The following TPST1 variants were observed in gnomAD, a reference collection of about 807,000 sequenced individuals.
The protein encoded by TPST1 is tyrosylprotein sulfotransferase 1.
A neutral mutation model predicts 34.8 loss-of-function variants in TPST1; 20 were observed. The observed-to-expected ratio is 0.57, with a 90% CI of 0.40 to 0.84. The LOEUF (loss-of-function observed/expected upper bound fraction) is 0.84, where lower values mean the gene tolerates loss of function less well. TPST1 is among the 40% of genes least tolerant of loss of function. TPST1 has a pLI of 0.00. For missense variants in TPST1, 353 were observed against 455.5 expected, an observed-to-expected ratio of 0.78 and a Z score of 2.05; for synonymous variants, 152 against 159.4, an observed-to-expected ratio of 0.95 and a Z score of 0.35.
upstream of TPST1, among the ~76,000 whole-genome samples, chr7:66,202,369 G>A (rs959774020): frequency 3.3e-5 from 5 of 152,152 alleles, no homozygotes; most frequent in Non-Finnish European, 7.3e-5. Flanking sequence ...ACATCCTGCC[G>A]TATGACAGGT....
intron 3 of TPST1, among the ~76,000 whole-genome samples, chr7:66,333,447 G>T (rs1265589457): frequency 1.3e-5 from 2 of 152,168 alleles, no homozygotes; most frequent in Non-Finnish European, 2.9e-5. Context: ...TTAGACAAAA[G>T]ACCCAGAAGG....
At chr7:66,237,456 A>G (rs1343877991) in intron 1 of TPST1, among the ~76,000 whole-genome samples, 1 of 152,184 alleles carries the variant, frequency 6.6e-6, no homozygotes, top group Admixed American at 6.5e-5. Context: ...AGAGGAATTA[A>G]CTACCTTCTC....
In TPST1 at chr7:66,270,989, G is replaced by A. The variant is rs1562823228; in HGVS notation, c.846-15522G>A. Among the ~76,000 whole-genome samples, 3 of 151,930 alleles carry A rather than the reference G, an allele frequency of 2.0e-5. No individual in the cohort carries two copies. In the South Asian group the frequency reaches 6.2e-4, roughly 31 times the overall value. On this transcript the variant is annotated intron_variant, in intron 2 of 5. Coordinates refer to ENST00000304842, the MANE Select transcript of TPST1 (RefSeq NM_003596.4). ...CATATCCTTGCCTCTATATTTTTTGGTTGCCCAGGGTTACAGCTTTTCATA... is the reference window on the plus strand; with the variant it reads ...CATATCCTTGCCTCTATATTTTTTGATTGCCCAGGGTTACAGCTTTTCATA...
intron 3 of TPST1, among the ~76,000 whole-genome samples, chr7:66,341,010 C>T (rs1481468079): frequency 1.6e-4 from 25 of 152,094 alleles, no homozygotes; most frequent in South Asian, 4.1e-4. Flanking sequence ...GACTCCGTCT[C>T]AAAAGTCAGT....
At chr7:66,320,275 T>G (rs1791726023) in intron 3 of TPST1, among the ~76,000 whole-genome samples, 1 of 139,900 alleles carries the variant, frequency 7.1e-6, no homozygotes, top group Non-Finnish European at 1.5e-5. Context: ...TGAGACGGAG[T>G]CTTGCTCTGT....
intron 3 of TPST1, among the ~76,000 whole-genome samples, chr7:66,315,261 T>G (rs1791609658): frequency 6.6e-6 from 1 of 152,084 alleles, no homozygotes; most frequent in African/African-American, 2.4e-5. Context: ...TTGCCACCCT[T>G]AGACCTGCGG....
At chr7:66,339,893 A>G (rs1264649501) in intron 3 of TPST1, among the ~76,000 whole-genome samples, 1 of 151,974 alleles carries the variant, frequency 6.6e-6, no homozygotes, top group Admixed American at 6.6e-5. Context: ...TGCAAGGATG[A>G]TTCAGCATAC....
chr7:66,334,417 C>G (rs1320776059), intron 3 of TPST1, among the ~76,000 whole-genome samples: 1 of 152,078 alleles, frequency 6.6e-6, no homozygotes, highest in African/African-American at 2.4e-5. Context: ...GTGTGGATCA[C>G]TTGAGGTCAG....
At chr7:66,207,889 T>A (rs1015198297) in intron 1 of TPST1, among the ~76,000 whole-genome samples, 1 of 152,214 alleles carries the variant, frequency 6.6e-6, no homozygotes, top group African/African-American at 2.4e-5. Context: ...TAAAATCATC[T>A]TCTTTTCTCC....
intron 2 of TPST1, among the ~76,000 whole-genome samples, chr7:66,243,941 A>ATTTTT (rs55829208): frequency 1.4e-4 from 16 of 116,230 alleles, no homozygotes; most frequent in South Asian, 2.6e-4. Context: ...ATTCTGGGAA[A>ATTTTT]TTTTTTTTTT....
At chr7:66,249,670 G>A (rs185715760) in intron 2 of TPST1, among the ~76,000 whole-genome samples, 17 of 152,294 alleles carry the variant, frequency 1.1e-4, no homozygotes, top group Admixed American at 1.0e-3. Context: ...ATCATGCTAC[G>A]TTTTGTTTGC....
At chr7:66,260,345 A>G (rs910265508) in intron 2 of TPST1, among the ~76,000 whole-genome samples, 1 of 152,212 alleles carries the variant, frequency 6.6e-6, no homozygotes, top group African/African-American at 2.4e-5. Context: ...TGTGTTAAGT[A>G]TGTGTGGAAT....
intron 2 of TPST1, among the ~76,000 whole-genome samples, chr7:66,258,911 G>GT (rs1468417237): frequency 6.6e-5 from 10 of 151,890 alleles, no homozygotes; most frequent in Non-Finnish European, 1.5e-4. Context: ...TTTTTGTTTT[G>GT]TTTTTTGAAA....
intron 2 of TPST1, among the ~76,000 whole-genome samples, chr7:66,270,132 G>A (rs913744438): frequency 4.6e-5 from 7 of 152,042 alleles, no homozygotes; most frequent in Admixed American, 2.0e-4. Context: ...TTACAGGAAG[G>A]AGTGCTCCAG....
intron 2 of TPST1, among the ~76,000 whole-genome samples, chr7:66,243,367 T>C (rs1331252661): frequency 6.6e-6 from 1 of 152,176 alleles, no homozygotes; most frequent in Non-Finnish European, 1.5e-5. Flanking sequence ...GAACCCCTTT[T>C]TGAAAGAAAA....
chr7:66,274,949 C>T (rs1256466798), intron 2 of TPST1, among the ~76,000 whole-genome samples: 1 of 152,114 alleles, frequency 6.6e-6, no homozygotes, highest in Non-Finnish European at 1.5e-5. Flanking sequence ...AATCCCTGCA[C>T]TTTGGGAGGC....
chr7:66,258,095 G>A (rs908696711), intron 2 of TPST1, among the ~76,000 whole-genome samples: 21 of 152,040 alleles, frequency 1.4e-4, no homozygotes, highest in African/African-American at 4.6e-4. Context: ...TATTTCATGA[G>A]TGACACTGAC....
intron 3 of TPST1, among the ~76,000 whole-genome samples, chr7:66,320,239 C>CTTTTTCTTTTTTTTTTTTTTTTTTTTTTT (rs1791722668): frequency 7.0e-6 from 1 of 143,602 alleles, no homozygotes; most frequent in African/African-American, 2.6e-5. Flanking sequence ...TTCTTTTTTT[C>CTTTTTCTTTTTTTTTTTTTTTTTTTTTTT]TTTTTCTTTT....
In TPST1 at chr7:66,285,790, A is replaced by C. The variant is rs566573755; in HGVS notation, c.846-721A>C. ...GCTAGTTATTTAGTCAAATATAGTG[A>C]GTATAATCACTACAGGCTTAGAGTA... On this transcript the variant is annotated intron_variant, in intron 2 of 5. Transcript: ENST00000304842. Among the ~76,000 whole-genome samples the C allele has an allele frequency of 1.6e-3, 240 of 152,336 alleles. 1 individual carries two copies. The highest frequency in any genetic ancestry group is 3.1e-3 in the Non-Finnish European group (213 of 68,022).
Sources: gnomAD v4.1 joint callset for allele counts (sites outside exome capture counted in the v4.1 genomes callset) on GRCh38, gnomAD v4.1.1 for gene constraint, MANE v1.5 for transcripts, NCBI Gene and HGNC (gene_info 2026-07-23, HGNC 2026-07-21) for gene names.